WASF3: variants seen among roughly 807,000 people sequenced by gnomAD.
The protein encoded by WASF3 is actin-binding protein WASF3.
In WASF3, 11 loss-of-function variants were observed where a neutral mutation model predicts 46.6. The observed-to-expected ratio is 0.24, with a 90% CI of 0.15 to 0.39. WASF3 has a LOEUF of 0.39. WASF3 is among the 10% of genes least tolerant of loss of function. WASF3 has a pLI of 1.00. For synonymous variants in WASF3, 242 were observed against 259.7 expected (o/e 0.93, Z 0.65); for missense variants, 576 against 669.8 (o/e 0.86, Z 1.55).
intron 2 of WASF3, chr13:26,618,698 G>A (rs1005824840): frequency 2.0e-5 from 3 of 152,184 alleles, no homozygotes; most frequent in Non-Finnish European, 1.5e-5. Context: ...CAGTGCTGCT[G>A]TGAACATTCT....
chr13:26,564,426 C>T (rs1201007456), intron 1 of WASF3, among the ~76,000 whole-genome samples: 1 of 152,200 alleles, frequency 6.6e-6, no homozygotes, highest in Non-Finnish European at 1.5e-5. Flanking sequence ...CTCTCACAGC[C>T]TTTGTGATCT....
chr13:26,666,866 C>CAAAAAAAAAAAAA (rs1168774717), intron 4 of WASF3, among the ~76,000 whole-genome samples: 1 of 62,806 alleles, frequency 1.6e-5, no homozygotes, highest in African/African-American at 5.1e-5. Flanking sequence ...AAGACTGTCT[C>CAAAAAAAAAAAAA]AAAAAAAAAA....
chr13:26,654,285 T>C (rs1882404929), intron 3 of WASF3, among the ~76,000 whole-genome samples: 1 of 152,224 alleles, frequency 6.6e-6, no homozygotes, highest in South Asian at 2.1e-4. Context: ...GTCTTCAGCC[T>C]GGAAGGTTCT....
intron 2 of WASF3, among the ~76,000 whole-genome samples, chr13:26,621,660 G>T (rs1881310372): frequency 6.6e-6 from 1 of 152,148 alleles, no homozygotes; most frequent in Non-Finnish European, 1.5e-5. Flanking sequence ...TTGTCCCAGT[G>T]AAATGAGGTT....
intron 2 of WASF3, chr13:26,619,182 A>T (rs1271700537): frequency 1.3e-5 from 2 of 152,234 alleles, no homozygotes; most frequent in Non-Finnish European, 2.9e-5. Flanking sequence ...GGTTATGCAC[A>T]TACATGCCAT....
At chr13:26,681,507 C>G (rs1883230759) in intron 8 of WASF3, among the ~76,000 whole-genome samples, 187 bp downstream of exon 8, 1 of 152,194 alleles carries the variant, frequency 6.6e-6, no homozygotes, top group Non-Finnish European at 1.5e-5. Flanking sequence ...CTCAGACTTA[C>G]AGTTGAGTCT....
At chr13:26,622,987 C>T (rs1312868212) in intron 2 of WASF3, among the ~76,000 whole-genome samples, 1 of 152,046 alleles carries the variant, frequency 6.6e-6, no homozygotes, top group Non-Finnish European at 1.5e-5. Flanking sequence ...TTCTTAAATC[C>T]CAAAGGGTGA....
chr13:26,664,408 T>C (rs559685553), intron 3 of WASF3, among the ~76,000 whole-genome samples: 4 of 152,228 alleles, frequency 2.6e-5, no homozygotes, highest in Non-Finnish European at 4.4e-5. Context: ...TTTTCAGAAA[T>C]GTTACATTTT....
intron 1 of WASF3, among the ~76,000 whole-genome samples, chr13:26,564,900 G>GTTTTTTTTTTTTTTT (rs66809412): frequency 7.3e-5 from 6 of 81,634 alleles, no homozygotes; most frequent in East Asian, 4.2e-4. Context: ...CAAGGTTGTG[G>GTTTTTTTTTTTTTTT]TTTTTTTTTT....
chr13:26,568,511 G>A (rs145186949), intron 1 of WASF3, among the ~76,000 whole-genome samples: 46 of 152,258 alleles, frequency 3.0e-4, no homozygotes, highest in Non-Finnish European at 5.3e-4. Context: ...GACTCTGATT[G>A]TATATCAGAG....
At chr13:26,590,209 C>G (rs1043301094) in intron 1 of WASF3, among the ~76,000 whole-genome samples, 2 of 151,842 alleles carry the variant, frequency 1.3e-5, no homozygotes, top group Non-Finnish European at 2.9e-5. Flanking sequence ...ATTTTTTATT[C>G]GTGACCCTCT....
At chr13:26,599,588 AT>A (rs1171283378) in intron 1 of WASF3, among the ~76,000 whole-genome samples, 1 of 152,060 alleles carries the variant, frequency 6.6e-6, no homozygotes, top group African/African-American at 2.4e-5. Flanking sequence ...GCTCCTGGAG[AT>A]TCTAATCTAT....
At chr13:26,665,195 G>C (rs1285420136) in intron 4 of WASF3, 33 bp downstream of exon 4, 1 of 1,608,748 alleles carries the variant, frequency 6.2e-7, no homozygotes, top group Non-Finnish European at 8.5e-7. Flanking sequence ...TGAGCTAGAA[G>C]TGATGTTGAC....
intron 3 of WASF3, among the ~76,000 whole-genome samples, chr13:26,663,296 CTAGT>C (rs10552405): frequency 0.044 from 6,759 of 152,218 alleles, 506 homozygotes; most frequent in African/African-American, 0.15. Flanking sequence ...TGTTCAGTAG[CTAGT>C]TAGATAACAA....
intron 1 of WASF3, among the ~76,000 whole-genome samples, chr13:26,586,639 A>C (rs1054083686): frequency 6.6e-6 from 1 of 152,122 alleles, no homozygotes; most frequent in Non-Finnish European, 1.5e-5. Flanking sequence ...AAGCTTGTCT[A>C]GTTCCTAAGA....
intron 1 of WASF3, chr13:26,577,515 T>G (rs1249691270): frequency 7.7e-7 from 1 of 1,294,212 alleles, no homozygotes; most frequent in Non-Finnish European, 1.1e-6. Context: ...CATGATGTCT[T>G]CGTTAGAAAA....
At chr13:26,675,692 G>T (rs1229350351) in intron 6 of WASF3, among the ~76,000 whole-genome samples, 2 of 148,034 alleles carry the variant, frequency 1.4e-5, no homozygotes, top group Non-Finnish European at 3.0e-5. Context: ...TGTGTTGTCA[G>T]TGCCTGGCGC....
At chr13:26,571,455 T>G (rs1186082765) in intron 1 of WASF3, among the ~76,000 whole-genome samples, 3 of 152,216 alleles carry the variant, frequency 2.0e-5, no homozygotes, top group Admixed American at 6.5e-5. Flanking sequence ...TTTGTCTTCT[T>G]CTGAATAGTG....
At position 26,681,254 on chromosome 13, in the gene WASF3, C is replaced by A. The variant is rs556251328; in HGVS notation, c.917C>A (p.Pro306His). 8.2e-5 allele frequency: 132 copies of A among 1,613,226 alleles called. 2 individuals are homozygous for A. Among genetic ancestry groups the A allele is most frequent in the Non-Finnish European group, 1.1e-4 (128 of 1,179,806 alleles). Residue 306 changes from proline to histidine, a missense_variant, in exon 8 of 10, where the codon CCC becomes CAC. By Grantham distance (77) the Pro-to-His change is moderately conservative (BLOSUM62 -2). Transcript: ENST00000335327. ...CTCAACAGACCTCAGCAGCCGCCCC[C>A]CCCGCCTCCCCCTCAGGCCCCAGAG... is the stretch of plus-strand genomic sequence containing the variant. ...MALNRPQQPP[P>H]PPPPQAPEGS...
Sources: gnomAD v4.1 joint callset for allele counts (sites outside exome capture counted in the v4.1 genomes callset) on GRCh38, gnomAD v4.1.1 for gene constraint, MANE v1.5 for transcripts, NCBI Gene and HGNC (gene_info 2026-07-23, HGNC 2026-07-21) for gene names.